ATP6V0A1: variants seen among roughly 807,000 people sequenced by gnomAD.
ATP6V0A1 encodes V-type proton ATPase 116 kDa subunit a 1.
Under a neutral mutation model 105.4 loss-of-function variants are expected in ATP6V0A1, and 43 were observed. That is an observed-to-expected ratio of 0.41 (90% CI 0.32 to 0.53). ATP6V0A1 has a LOEUF of 0.53. Ranked by LOEUF, ATP6V0A1 falls within the 20% of genes least tolerant of loss-of-function variation. ATP6V0A1 has a pLI of 0.30. For missense variants in ATP6V0A1, 676 were observed against 1,051.1 expected, an observed-to-expected ratio of 0.64 and a Z score of 4.93; for synonymous variants, 362 against 372.8, an observed-to-expected ratio of 0.97 and a Z score of 0.33.
chr17:42,494,562 C>T, intron 12 of ATP6V0A1, 89 bp downstream of exon 12: 1 of 1,431,536 alleles, frequency 7.0e-7, no homozygotes, highest in Non-Finnish European at 9.5e-7. Flanking sequence ...AGTCTTTTAT[C>T]CATGAATTTA....
At chr17:42,466,975 G>C (rs561921229) in intron 3 of ATP6V0A1, among the ~76,000 whole-genome samples, 22 of 151,820 alleles carry the variant, frequency 1.4e-4, no homozygotes, top group Non-Finnish European at 2.5e-4. Flanking sequence ...GTAAAACCCC[G>C]TCTCTACTAA....
chr17:42,478,668 G>A, intron 7 of ATP6V0A1, 79 bp downstream of exon 7: 1 of 1,387,474 alleles, frequency 7.2e-7, no homozygotes. Context: ...GGGGCCACCT[G>A]AATCCAGTGC....
At chr17:42,462,024 T>G (rs2086466617) in intron 2 of ATP6V0A1, among the ~76,000 whole-genome samples, 1 of 121,190 alleles carries the variant, frequency 8.3e-6, no homozygotes, top group Non-Finnish European at 1.6e-5. Flanking sequence ...CTGGGCAACA[T>G]AGGGAGATCC....
At chr17:42,468,427 C>T (rs1276022786) in intron 4 of ATP6V0A1, among the ~76,000 whole-genome samples, 3 of 152,090 alleles carry the variant, frequency 2.0e-5, no homozygotes, top group African/African-American at 7.2e-5. Context: ...ATATACAGTA[C>T]ATTGCTGTTA....
intron 17 of ATP6V0A1, 77 bp from the exon 18 acceptor site, chr17:42,507,443 A>G (rs2092098500): frequency 2.0e-6 from 2 of 1,020,536 alleles, no homozygotes; most frequent in African/African-American, 1.6e-5. Flanking sequence ...TTGTGTTACT[A>G]ACCATCGCCC....
chr17:42,470,088 A>T lies in ATP6V0A1; in HGVS notation c.295-2A>T. On this transcript the variant is annotated splice_acceptor_variant, in intron 4 of 21. Transcript: ENST00000343619. LOFTEE classifies it high-confidence loss of function. ...CTTAATATATTTTCTTATTTCATCT[A>T]GGCCAATTTTGAGAAGATTGAAAAT... 6.3e-7 allele frequency: 1 copy of T among 1,598,376 alleles called. No homozygotes were observed. The highest frequency in any genetic ancestry group is 8.5e-7 in the Non-Finnish European group (1 of 1,171,194).
chr17:42,500,343 G>A (rs2091567177), intron 15 of ATP6V0A1, among the ~76,000 whole-genome samples: 1 of 152,158 alleles, frequency 6.6e-6, no homozygotes, highest in Non-Finnish European at 1.5e-5. Context: ...AGCTGGGTGT[G>A]GTGGCGCATG....
chr17:42,502,474 T>C (rs981839166), intron 17 of ATP6V0A1, among the ~76,000 whole-genome samples: 5 of 151,598 alleles, frequency 3.3e-5, no homozygotes, highest in African/African-American at 1.2e-4. Flanking sequence ...TTAATGTCTG[T>C]GTGTATATGA....
chr17:42,499,613 T>TC lies in ATP6V0A1; in HGVS notation c.1679+573dup, dbSNP rs548286964. Among the ~76,000 whole-genome samples the TC allele has an allele frequency of 1.1e-3, 162 of 150,372 alleles. 1 individual carries two copies. Among genetic ancestry groups the TC allele is most frequent in the African/African-American group, 3.7e-3 (150 of 40,876 alleles). On this transcript the variant is annotated intron_variant, in intron 15 of 21. Transcript: ENST00000343619. ...ACCAGCCTGGCCCACATGGTGAAAC[T>TC]CCGTCTCTACTAAAAATACAAAAAA...
At chr17:42,519,170 A>G (rs967605445) in intron 21 of ATP6V0A1, 2 of 152,264 alleles carry the variant, frequency 1.3e-5, no homozygotes, top group African/African-American at 2.4e-5. Context: ...CCTCCCAGGC[A>G]TATATCCCTC....
At chr17:42,495,867 G>A (rs1488430167) in intron 14 of ATP6V0A1, 151 bp downstream of exon 14, 3 of 642,314 alleles carry the variant, frequency 4.7e-6, no homozygotes, top group Non-Finnish European at 8.0e-6. Context: ...AGGCCGAGGA[G>A]GTGGGATCAC....
At chr17:42,472,688 C>T (rs996570719) in intron 5 of ATP6V0A1, among the ~76,000 whole-genome samples, 2 of 152,052 alleles carry the variant, frequency 1.3e-5, no homozygotes, top group African/African-American at 2.4e-5. Flanking sequence ...CGCACCACTG[C>T]ACTCTAGCCT....
chr17:42,495,573 G>A, intron 13 of ATP6V0A1, 53 bp from the exon 14 acceptor site: 1 of 1,425,726 alleles, frequency 7.0e-7, no homozygotes, highest in Non-Finnish European at 9.9e-7. Flanking sequence ...CTGGACCCTT[G>A]TTGTTTCCCT....
chr17:42,468,979 G>A (rs1248190775), intron 4 of ATP6V0A1, among the ~76,000 whole-genome samples: 1 of 152,098 alleles, frequency 6.6e-6, no homozygotes, highest in Admixed American at 6.6e-5. Flanking sequence ...CAGAGTAGCT[G>A]AGACGATAGC....
intron 4 of ATP6V0A1, among the ~76,000 whole-genome samples, chr17:42,469,068 G>A (rs1388118559): frequency 6.6e-6 from 1 of 151,862 alleles, no homozygotes; most frequent in African/African-American, 2.4e-5. Flanking sequence ...GCTTGATCTC[G>A]AACTCCTAAC....
At chr17:42,467,289 T>A (rs778995025) in intron 3 of ATP6V0A1, among the ~76,000 whole-genome samples, 3 of 152,216 alleles carry the variant, frequency 2.0e-5, no homozygotes, top group Non-Finnish European at 4.4e-5. Context: ...AACTAAAGAT[T>A]AGAGAGGCTT....
chr17:42,476,289 C>T (rs2088730707), intron 5 of ATP6V0A1, among the ~76,000 whole-genome samples: 1 of 152,112 alleles, frequency 6.6e-6, no homozygotes. Context: ...TTTTTTAGGC[C>T]TTCAGACTTA....
chr17:42,486,663 A>G (rs569624889), intron 9 of ATP6V0A1, among the ~76,000 whole-genome samples: 24 of 152,260 alleles, frequency 1.6e-4, no homozygotes, highest in Non-Finnish European at 2.8e-4. Context: ...TCCTGATCCC[A>G]TGGCGTCTCC....
At chr17:42,507,343 G>A (rs1303076606) in intron 17 of ATP6V0A1, 177 bp from the exon 18 acceptor site, 4 of 537,556 alleles carry the variant, frequency 7.4e-6, no homozygotes, top group South Asian at 4.3e-5. Flanking sequence ...CTGGGGAGGC[G>A]GTGGTTGGGG....
Sources: allele counts gnomAD v4.1 joint callset (sites outside exome capture counted in the v4.1 genomes callset), GRCh38; gene constraint gnomAD v4.1.1; transcripts MANE v1.5; gene names NCBI Gene and HGNC (gene_info 2026-07-23, HGNC 2026-07-21).